COX6C: variants seen among roughly 807,000 people sequenced by gnomAD.
COX6C encodes the protein cytochrome c oxidase subunit 6C, also known as cytochrome c oxidase polypeptide VIc.
COX6C carries 3 observed loss-of-function variants against 6.9 expected under a neutral mutation model. The observed-to-expected ratio is 0.43, with a 90% CI of 0.20 to 1.12. The LOEUF (loss-of-function observed/expected upper bound fraction) is 1.12. COX6C is among the 50% of genes most tolerant of loss of function. The pLI is 0.27. For synonymous variants in COX6C, 32 were observed against 32.0 expected (o/e 1.00, Z 0.00); for missense variants, 101 against 97.3 (o/e 1.04, Z -0.16).
Position 99,883,468 on chromosome 8 carries a change from TA to T in COX6C, c.*15+4021del, listed in dbSNP as rs1189033705. On this transcript the variant is annotated intron_variant, in intron 3 of 3. Transcript: ENST00000520468. ...GTGTGTGTGTGTATATATATATATA[TA>T]TATTTTTTTTTTGGTAGAGATGGGG... Among the ~76,000 whole-genome samples the T allele has an allele frequency of 2.6e-3, 373 of 144,212 alleles. 1 individual carries two copies. Among genetic ancestry groups the T allele is most frequent in the Middle Eastern group, 0.011 (3 of 282 alleles). The allele number at this position is 144,212 out of a possible 152,430, so 94.6% of individuals were successfully genotyped here.
intron 3 of COX6C, among the ~76,000 whole-genome samples, chr8:99,885,669 G>A (rs1359073699): frequency 1.3e-5 from 2 of 152,114 alleles, no homozygotes; most frequent in Non-Finnish European, 2.9e-5. Context: ...CTAAACATAA[G>A]AGCTAAAACT....
chr8:99,890,245 G>T (rs1053570905), intron 2 of COX6C, among the ~76,000 whole-genome samples: 11 of 152,166 alleles, frequency 7.2e-5, no homozygotes, highest in Non-Finnish European at 8.8e-5. Flanking sequence ...TTACAGGCAT[G>T]AGACACCAGA....
At chr8:99,880,499 G>A (rs111694501) in intron 3 of COX6C, among the ~76,000 whole-genome samples, 372 of 152,202 alleles carry the variant, frequency 2.4e-3, no homozygotes, top group African/African-American at 8.4e-3. Flanking sequence ...AGAAGGGGTC[G>A]GAATCACTAG....
At chr8:99,890,859 TCAAA>T (rs752727424) in intron 2 of COX6C, among the ~76,000 whole-genome samples, 4 of 152,186 alleles carry the variant, frequency 2.6e-5, no homozygotes, top group Non-Finnish European at 5.9e-5. Context: ...ACTCAAGGTG[TCAAA>T]CAGAACTATA....
intron 2 of COX6C, 86 bp from the exon 3 acceptor site, chr8:99,887,704 C>A: frequency 1.1e-6 from 1 of 872,692 alleles, no homozygotes; most frequent in Non-Finnish European, 1.7e-6. Context: ...CAAGGTAGAA[C>A]ACATGTTTTT....
intron 3 of COX6C, among the ~76,000 whole-genome samples, chr8:99,880,325 G>A (rs1390902220): frequency 6.6e-6 from 1 of 152,158 alleles, no homozygotes; most frequent in East Asian, 1.9e-4. Context: ...AAAACCTTAA[G>A]AACAACTATC....
At chr8:99,882,058 T>C (rs1817874273) in intron 3 of COX6C, among the ~76,000 whole-genome samples, 1 of 152,186 alleles carries the variant, frequency 6.6e-6, no homozygotes, top group Non-Finnish European at 1.5e-5. Context: ...TAAATACATA[T>C]GCACCAAACA....
intron 2 of COX6C, among the ~76,000 whole-genome samples, chr8:99,889,177 G>A (rs1415833851): frequency 6.6e-6 from 1 of 152,144 alleles, no homozygotes; most frequent in Non-Finnish European, 1.5e-5. Context: ...CCAGGCAGCA[G>A]GAATCTCAAG....
chr8:99,887,291 C>CA (rs747335885), intron 3 of COX6C, 199 bp downstream of exon 3: 5 of 398,586 alleles, frequency 1.3e-5, no homozygotes, highest in African/African-American at 2.1e-5. Context: ...CCCCACATCA[C>CA]AAAAGTATTG....
Position 99,891,875 on chromosome 8 carries a change from T to C in COX6C, c.114+33A>G, listed in dbSNP as rs200064719. 1.1e-5 allele frequency: 17 copies of C among 1,590,238 alleles called. No homozygotes were observed. The African/African-American group carries it at 2.0e-4, about 19-fold the overall frequency. On this transcript the variant is annotated intron_variant, in intron 2 of 3. Coordinates refer to ENST00000520468, the MANE Select transcript of COX6C (RefSeq NM_004374.4). ...TTTTCAACCAAAAACACATACTTTA[T>C]GACCTTCGGCACAAAGTAAAAAACA...
Position 99,891,896 on chromosome 8 carries a change from A to G in COX6C, c.114+12T>C. 1 of 1,612,128 alleles carries G rather than the reference A, an allele frequency of 6.2e-7. No individual in the cohort carries two copies. Among genetic ancestry groups the G allele is most frequent in the Non-Finnish European group, 8.5e-7 (1 of 1,178,288 alleles). On this transcript the variant is annotated intron_variant, in intron 2 of 3. Coordinates refer to ENST00000520468, the MANE Select transcript of COX6C (RefSeq NM_004374.4). ...TTTATGACCTTCGGCACAAAGTAAA[A>G]AACATACATACCTTATACAAAGCTG...
chr8:99,878,764 T>C (rs1184928815), intron 3 of COX6C: 1 of 152,236 alleles, frequency 6.6e-6, no homozygotes, highest in African/African-American at 2.4e-5. Flanking sequence ...ACTGTAAATT[T>C]TGAAAATTTC....
Position 99,890,744 on chromosome 8 carries a change from A to G in COX6C, c.114+1164T>C, listed in dbSNP as rs1389652096. Among the ~76,000 whole-genome samples the G allele has an allele frequency of 2.0e-5, 3 of 152,026 alleles. No homozygotes were observed. The East Asian group carries it at 5.8e-4, about 29-fold the overall frequency. On this transcript the variant is annotated intron_variant, in intron 2 of 3. Transcript: ENST00000520468. ...TGATAAACATATACATATTATCAAA[A>G]ACATTTTTACGGAAAAGTTGTAAAT... is the stretch of plus-strand genomic sequence containing the variant.
At chr8:99,889,317 T>G (rs1269740823) in intron 2 of COX6C, among the ~76,000 whole-genome samples, 2 of 151,728 alleles carry the variant, frequency 1.3e-5, no homozygotes, top group African/African-American at 4.8e-5. Context: ...TGAGACAAAG[T>G]CTGGCTCTAT....
At chr8:99,892,080 G>C (rs946689482) in intron 1 of COX6C, 28 bp from the exon 2 acceptor site, 5 of 1,354,632 alleles carry the variant, frequency 3.7e-6, no homozygotes, top group Non-Finnish European at 5.1e-6. Flanking sequence ...ATATGATTAA[G>C]TACAGAGTTT....
At chr8:99,882,700 C>T (rs974325403) in intron 3 of COX6C, among the ~76,000 whole-genome samples, 2 of 152,168 alleles carry the variant, frequency 1.3e-5, no homozygotes, top group African/African-American at 2.4e-5. Context: ...AACATTACAA[C>T]TGATTTTACA....
intron 3 of COX6C, among the ~76,000 whole-genome samples, chr8:99,879,562 T>C (rs1321946185): frequency 6.6e-6 from 1 of 152,142 alleles, no homozygotes; most frequent in African/African-American, 2.4e-5. Flanking sequence ...AATGTTTAGC[T>C]TTATGAGAAC....
chr8:99,881,253 G>A (rs766985495), intron 3 of COX6C, among the ~76,000 whole-genome samples: 21 of 152,008 alleles, frequency 1.4e-4, no homozygotes, highest in South Asian at 2.1e-4. Context: ...CAAGCTACTC[G>A]GGAGGCTGAG....
At chr8:99,892,163 A>G in intron 1 of COX6C, 111 bp from the exon 2 acceptor site, 1 of 614,262 alleles carries the variant, frequency 1.6e-6, no homozygotes, top group South Asian at 2.0e-5. Flanking sequence ...CACTCCGATT[A>G]GCAGCAGTTA....
Sources: gnomAD v4.1 joint callset for allele counts (sites outside exome capture counted in the v4.1 genomes callset) on GRCh38, gnomAD v4.1.1 for gene constraint, MANE v1.5 for transcripts, NCBI Gene and HGNC (gene_info 2026-07-23, HGNC 2026-07-21) for gene names.